ADAMTS6: variants seen among roughly 807,000 people sequenced by gnomAD.
ADAMTS6 encodes the protein A disintegrin and metalloproteinase with thrombospondin motifs 6.
ADAMTS6 carries 23 observed loss-of-function variants against 144.3 expected under a neutral mutation model. That is an observed-to-expected ratio of 0.16 (90% CI 0.11 to 0.23). ADAMTS6 has a LOEUF of 0.23. Among genes scored for constraint, ADAMTS6 ranks in the 10% least tolerant of loss-of-function variants. ADAMTS6 has a pLI of 1.00. For missense variants in ADAMTS6, 999 were observed against 1,379.6 expected, an observed-to-expected ratio of 0.72 and a Z score of 4.37; for synonymous variants, 444 against 457.5, an observed-to-expected ratio of 0.97 and a Z score of 0.38.
chr5:65,271,795 T>C (rs755759908), intron 12 of ADAMTS6, among the ~76,000 whole-genome samples: 1 of 152,166 alleles, frequency 6.6e-6, no homozygotes, highest in Non-Finnish European at 1.5e-5. Flanking sequence ...CTGAGGTAAA[T>C]TGACAAGAAT....
In ADAMTS6 at chr5:65,188,023, CA is replaced by C; in HGVS notation, c.2902del (p.Trp968GlyfsTer73). Reference sequence around the variant, plus strand: ...AGCCTCAGATTTCCTTACCTCAGACCAGTCCAAAGCCACCCACTGTGGTGGA... The same window carrying C: ...AGCCTCAGATTTCCTTACCTCAGACCGTCCAAAGCCACCCACTGTGGTGGA... ...SCPPQWVALDWSECTPKCGPG... is the reference protein window; with the variant it reads ...SCPPQWVALDXSECTPKCGPG... On this transcript the variant is annotated frameshift_variant, in exon 22 of 25. Transcript: ENST00000381055. LOFTEE classifies it high-confidence loss of function. The C allele has an allele frequency of 6.2e-7, 1 of 1,614,050 alleles. No individual in the cohort carries two copies. The highest frequency in any genetic ancestry group is 1.3e-5 in the African/African-American group (1 of 75,010).
intron 4 of ADAMTS6, 89 bp from the exon 5 acceptor site, chr5:65,453,007 C>T (rs1758872601): frequency 1.9e-5 from 18 of 972,742 alleles, no homozygotes; most frequent in Non-Finnish European, 2.5e-5. Flanking sequence ...CTCACAAATT[C>T]TCTAATATAT....
intron 14 of ADAMTS6, among the ~76,000 whole-genome samples, chr5:65,243,563 T>C (rs1481291129): frequency 2.0e-5 from 3 of 152,108 alleles, no homozygotes. Flanking sequence ...TCTTGTTAAA[T>C]TACCTTCTTG....
intron 14 of ADAMTS6, chr5:65,251,567 G>A (rs1030352402): frequency 1.3e-5 from 2 of 152,150 alleles, no homozygotes; most frequent in African/African-American, 4.8e-5. Context: ...TGTTATTCCA[G>A]CCTGGAGACC....
chr5:65,401,846 AGAAACT>A (rs1274558919), intron 7 of ADAMTS6, among the ~76,000 whole-genome samples: 3 of 152,172 alleles, frequency 2.0e-5, no homozygotes, highest in Non-Finnish European at 4.4e-5. Flanking sequence ...CCTTACCTGT[AGAAACT>A]GAAATTCTTT....
At chr5:65,270,019 C>A (rs1450969824) in intron 12 of ADAMTS6, among the ~76,000 whole-genome samples, 1 of 152,128 alleles carries the variant, frequency 6.6e-6, no homozygotes, top group African/African-American at 2.4e-5. Context: ...GTCTTGAACT[C>A]CTGACCTAAG....
At chr5:65,244,335 C>A (rs1759452328) in intron 14 of ADAMTS6, among the ~76,000 whole-genome samples, 1 of 151,938 alleles carries the variant, frequency 6.6e-6, no homozygotes, top group Non-Finnish European at 1.5e-5. Flanking sequence ...ATTAAAAAGA[C>A]CTTGAATTAA....
intron 7 of ADAMTS6, among the ~76,000 whole-genome samples, chr5:65,447,487 A>G (rs1758358268): frequency 6.6e-6 from 1 of 152,140 alleles, no homozygotes; most frequent in Non-Finnish European, 1.5e-5. Context: ...TAATAATTTT[A>G]AAACAACAAA....
intron 7 of ADAMTS6, among the ~76,000 whole-genome samples, chr5:65,377,151 TACTC>T (rs1246064278): frequency 6.6e-6 from 1 of 152,166 alleles, no homozygotes; most frequent in Non-Finnish European, 1.5e-5. Context: ...TTAATACAAA[TACTC>T]AAGTGAGAAA....
chr5:65,367,195 T>A (rs974447906), intron 7 of ADAMTS6, among the ~76,000 whole-genome samples: 16 of 152,304 alleles, frequency 1.1e-4, no homozygotes, highest in African/African-American at 3.9e-4. Flanking sequence ...ATACACAGGA[T>A]GCTGTTACAA....
At chr5:65,369,016 A>G (rs1423251714) in intron 7 of ADAMTS6, among the ~76,000 whole-genome samples, 1 of 152,202 alleles carries the variant, frequency 6.6e-6, no homozygotes, top group Non-Finnish European at 1.5e-5. Flanking sequence ...AGATCAAGGC[A>G]CTGCACTCCA....
In ADAMTS6 at chr5:65,226,113, C is replaced by T; in HGVS notation, c.2040G>A (p.Leu680=). 1 of 1,611,974 alleles carries T rather than the reference C, an allele frequency of 6.2e-7. No homozygotes were observed. The highest frequency in any genetic ancestry group is 8.5e-7 in the Non-Finnish European group (1 of 1,178,786). ...IDGTQCNADS[L]DICINGECKH... Reference sequence around the variant, plus strand: ...TGCATTCTCCATTGATGCAGATATCCAGTGAATCCGCATTGCACTGGGTCC... The same window carrying T: ...TGCATTCTCCATTGATGCAGATATCTAGTGAATCCGCATTGCACTGGGTCC... The change falls in exon 16 of 25, where the codon CTG becomes CTA. Residue 680 remains leucine (L), a synonymous_variant. Transcript: ENST00000381055.
At chr5:65,409,741 A>G (rs917339736) in intron 7 of ADAMTS6, among the ~76,000 whole-genome samples, 6 of 152,228 alleles carry the variant, frequency 3.9e-5, no homozygotes, top group African/African-American at 1.4e-4. Flanking sequence ...CGATGCAAAA[A>G]TCCTCAATAA....
chr5:65,183,885 A>AT (rs1275905103), intron 22 of ADAMTS6, among the ~76,000 whole-genome samples: 2 of 152,118 alleles, frequency 1.3e-5, no homozygotes, highest in Non-Finnish European at 1.5e-5. Flanking sequence ...TTCAATAATA[A>AT]TTTTTTTAGA....
intron 18 of ADAMTS6, among the ~76,000 whole-genome samples, chr5:65,218,985 A>G (rs1285041891): frequency 1.3e-5 from 2 of 152,196 alleles, no homozygotes; most frequent in African/African-American, 4.8e-5. Context: ...AGAGCAAAGA[A>G]GTATAGCTAA....
intron 7 of ADAMTS6, among the ~76,000 whole-genome samples, chr5:65,347,395 T>C (rs1554074195): frequency 6.6e-6 from 1 of 151,994 alleles, no homozygotes; most frequent in Non-Finnish European, 1.5e-5. Context: ...GAACGAGTAA[T>C]GGAGAAAACA....
intron 7 of ADAMTS6, among the ~76,000 whole-genome samples, chr5:65,343,717 G>A (rs986963540): frequency 6.6e-5 from 10 of 151,990 alleles, no homozygotes; most frequent in African/African-American, 2.4e-4. Flanking sequence ...AAACTAAAAA[G>A]CTTCTGCAGA....
At chr5:65,404,134 A>C (rs1328953988) in intron 7 of ADAMTS6, among the ~76,000 whole-genome samples, 2 of 152,140 alleles carry the variant, frequency 1.3e-5, no homozygotes, top group Non-Finnish European at 2.9e-5. Flanking sequence ...ATGAATTAAG[A>C]AAATATAATT....
chr5:65,174,239 C>T (rs1753815462), intron 22 of ADAMTS6, among the ~76,000 whole-genome samples: 1 of 152,186 alleles, frequency 6.6e-6, no homozygotes, highest in Non-Finnish European at 1.5e-5. Flanking sequence ...AAAGCCCTTC[C>T]TTCTTTAACT....
Sources: allele counts gnomAD v4.1 joint callset (sites outside exome capture counted in the v4.1 genomes callset), GRCh38; gene constraint gnomAD v4.1.1; transcripts MANE v1.5; gene names NCBI Gene and HGNC (gene_info 2026-07-23, HGNC 2026-07-21).